The following EVC2 variants were observed in gnomAD, a reference collection of about 807,000 sequenced individuals.
The protein encoded by EVC2 is EvC ciliary complex subunit 2.
EVC2 carries 148 observed loss-of-function variants against 149.3 expected under a neutral mutation model. The ratio of observed to expected loss-of-function variants is 0.99; its 90% CI spans 0.87 to 1.14. The LOEUF (loss-of-function observed/expected upper bound fraction) is 1.14, where lower values mean the gene tolerates loss of function less well. Ranked by LOEUF, EVC2 falls within the 50% of genes most tolerant of loss-of-function variation. The probability of loss-of-function intolerance (pLI) is 0.00; values close to 1 mark genes in which losing one functional copy is unlikely to be tolerated. For missense variants in EVC2, 1,854 were observed against 1,627.3 expected (o/e 1.14, Z -2.40); for synonymous variants, 776 against 649.9 (o/e 1.19, Z -2.95).
intron 3 of EVC2, among the ~76,000 whole-genome samples, chr4:5,692,642 T>C (rs1042236931): frequency 7.0e-6 from 1 of 143,584 alleles, no homozygotes; most frequent in East Asian, 2.0e-4. Context: ...CCGAGGCGGG[T>C]GGATCATGAG....
Position 5,567,546 on chromosome 4 carries a change from C to T in EVC2, c.3557+898G>A, listed in dbSNP as rs966797671. Among the ~76,000 whole-genome samples, 8 of 152,222 alleles carry T rather than the reference C, an allele frequency of 5.3e-5. No individual in the cohort carries two copies. The highest frequency in any genetic ancestry group is 1.9e-4 in the African/African-American group (8 of 41,538). On this transcript the variant is annotated intron_variant, in intron 20 of 21. Transcript: ENST00000344408. This position sits in a 1 kb window ranked among gnomAD's most constrained non-coding sequence, Gnocchi z 4.4. ...TTCATCCTGGCCATGGCTTTCCTTG[C>T]AGCCTCATTCCCCACCTACTCCATC...
intron 1 of EVC2, among the ~76,000 whole-genome samples, chr4:5,703,901 A>G (rs896321258): frequency 6.6e-6 from 1 of 152,156 alleles, no homozygotes; most frequent in Non-Finnish European, 1.5e-5. Flanking sequence ...AGGCTTTAAC[A>G]GGGTGACAGA....
chr4:5,632,621 G>A (rs1248844167), intron 10 of EVC2, among the ~76,000 whole-genome samples: 1 of 152,180 alleles, frequency 6.6e-6, no homozygotes, highest in Non-Finnish European at 1.5e-5. Flanking sequence ...CTTCACTGAA[G>A]AGAAAAATAC....
chr4:5,663,176 G>C lies in EVC2; in HGVS notation c.1076C>G (p.Ser359Cys). 1 of 1,614,178 alleles carries C rather than the reference G, an allele frequency of 6.2e-7. No individual in the cohort carries two copies. The highest frequency in any genetic ancestry group is 8.5e-7 in the Non-Finnish European group (1 of 1,180,040). The part of the protein sequence containing the change: ...TSADGVNEDL[S>C]LNDQMIDILS... ...AATGTCTATCATTTGGTCGTTAAGG[G>C]AAAGGTCCTCATTCACGCCATCAGC... Residue 359 changes from serine to cysteine, a missense_variant, in exon 9 of 22, where the codon TCC becomes TGC. Ser to Cys is a moderately radical substitution (Grantham distance 112). Transcript: ENST00000344408.
chr4:5,604,559 G>A (rs1156745319), intron 16 of EVC2, among the ~76,000 whole-genome samples: 1 of 152,118 alleles, frequency 6.6e-6, no homozygotes, highest in Non-Finnish European at 1.5e-5. Flanking sequence ...AGGTTGTGGG[G>A]GAGACAAAAG....
At chr4:5,606,640 A>G (rs575377832) in intron 16 of EVC2, among the ~76,000 whole-genome samples, 4 of 152,186 alleles carry the variant, frequency 2.6e-5, no homozygotes, top group Non-Finnish European at 5.9e-5. Flanking sequence ...GCATGCAAAA[A>G]AGCAGGAATA....
intron 21 of EVC2, among the ~76,000 whole-genome samples, chr4:5,547,895 A>G (rs1721651685): frequency 6.6e-6 from 1 of 152,150 alleles, no homozygotes; most frequent in Admixed American, 6.5e-5. Context: ...CAAGGCTGTG[A>G]CTTCCTCTTT....
intron 5 of EVC2, among the ~76,000 whole-genome samples, chr4:5,687,865 T>G (rs967709490): frequency 6.6e-6 from 1 of 152,086 alleles, no homozygotes; most frequent in African/African-American, 2.4e-5. Context: ...TGGGTGACAT[T>G]GTCTCCTTGA....
chr4:5,599,585 G>T (rs185268024), intron 16 of EVC2, among the ~76,000 whole-genome samples: 128 of 152,250 alleles, frequency 8.4e-4, no homozygotes, highest in African/African-American at 2.8e-3. Flanking sequence ...GTGGGCAGAG[G>T]GGGGAGGGAT....
At chr4:5,635,553 A>G (rs753271524) in intron 10 of EVC2, among the ~76,000 whole-genome samples, 2 of 152,236 alleles carry the variant, frequency 1.3e-5, no homozygotes, top group African/African-American at 2.4e-5. Context: ...GGCCTGCATC[A>G]GGCTGGCTGC....
chr4:5,678,384 G>A (rs1248328705), intron 7 of EVC2, among the ~76,000 whole-genome samples: 2 of 152,196 alleles, frequency 1.3e-5, no homozygotes, highest in Non-Finnish European at 2.9e-5. Flanking sequence ...CTCTGTGACT[G>A]CTGGGAGAGG....
intron 9 of EVC2, among the ~76,000 whole-genome samples, chr4:5,654,146 G>A (rs1047116321): frequency 3.3e-5 from 5 of 152,164 alleles, no homozygotes; most frequent in African/African-American, 1.2e-4. Context: ...CCTAGGAGGC[G>A]GAGGTTGCAG....
At chr4:5,617,971 GC>G (rs554301292) in intron 15 of EVC2, among the ~76,000 whole-genome samples, 570 of 152,284 alleles carry the variant, frequency 3.7e-3, no homozygotes, top group Non-Finnish European at 6.0e-3. Context: ...AGAGTTGTCT[GC>G]CCTCGGGCAC....
Position 5,692,667 on chromosome 4 carries a change from A to T in EVC2, c.451-1334T>A, listed in dbSNP as rs1399278999. On this transcript the variant is annotated intron_variant, in intron 3 of 21. Transcript: ENST00000344408. Reference sequence around the variant, plus strand: ...TGGATCATGAGGTCAGGAGATCGAGACCATCCTGGCTAACAAGGTGAAACC... The same window carrying T: ...TGGATCATGAGGTCAGGAGATCGAGTCCATCCTGGCTAACAAGGTGAAACC... 2.0e-5 allele frequency among the ~76,000 whole-genome samples: 3 copies of T among 151,256 alleles called. No individual in the cohort carries two copies. The East Asian group carries it at 5.9e-4, about 30-fold the overall frequency.
At chr4:5,700,931 C>T (rs113885202) in intron 1 of EVC2, among the ~76,000 whole-genome samples, 75 of 152,360 alleles carry the variant, frequency 4.9e-4, no homozygotes, top group African/African-American at 1.8e-3. Flanking sequence ...CTGCTGTACA[C>T]ATCACTGCAA....
chr4:5,676,392 T>C (rs1338806783), intron 7 of EVC2, among the ~76,000 whole-genome samples: 1 of 152,192 alleles, frequency 6.6e-6, no homozygotes, highest in East Asian at 1.9e-4. Context: ...CTCACATCTT[T>C]ACCTTGTATT....
rs887738952 is a variant in EVC2 at position 5,694,586 on chromosome 4, T to C, written c.284-85A>G. ...TAACCTCTAGAGACAGACTACAGGG[T>C]ACATGGAAGGTACTTAGAAGACGTT... is the stretch of plus-strand genomic sequence containing the variant. On this transcript the variant is annotated intron_variant, in intron 2 of 21. Coordinates refer to ENST00000344408, the MANE Select transcript of EVC2 (RefSeq NM_147127.5). The C allele has an allele frequency of 2.7e-6, 4 of 1,500,814 alleles. No individual in the cohort carries two copies. In the African/African-American group the frequency reaches 5.5e-5, roughly 21 times the overall value. 93.0% of individuals were successfully genotyped at this position (1,500,814 alleles called of 1,614,324 possible). A position where few individuals can be genotyped will look rare whatever the true frequency, so the allele number is the denominator to read the frequency against.
chr4:5,572,949 G>A (rs1241627377), intron 19 of EVC2, among the ~76,000 whole-genome samples: 2 of 152,138 alleles, frequency 1.3e-5, no homozygotes, highest in Non-Finnish European at 2.9e-5. Flanking sequence ...AGCCCCCCAC[G>A]AGCAGTGGCG....
At position 5,706,417 on chromosome 4, in the gene EVC2, G is replaced by GATAGATAC. The variant is rs1577281639; in HGVS notation, c.228+1868_228+1869insGTATCTAT. On this transcript the variant is annotated intron_variant, in intron 1 of 21. Transcript: ENST00000344408. ...ACATAGATAGATAGATAGATACATAGATAGATAGATACATAGATAGATAGA... is the reference window on the plus strand; with the variant it reads ...ACATAGATAGATAGATAGATACATAGATAGATACATAGATAGATACATAGATAGATAGA... 1.9e-3 allele frequency among the ~76,000 whole-genome samples: 115 copies of GATAGATAC among 61,516 alleles called. 3 individuals are homozygous for GATAGATAC. Among genetic ancestry groups the GATAGATAC allele is most frequent in the South Asian group, 3.8e-3 (7 of 1,834 alleles). The allele number at this position is 61,516 out of a possible 152,430, so 40.4% of individuals were successfully genotyped here. A position where few individuals can be genotyped will look rare whatever the true frequency, so the allele number is the denominator to read the frequency against.
Sources: allele counts gnomAD v4.1 joint callset (sites outside exome capture counted in the v4.1 genomes callset), GRCh38; gene constraint gnomAD v4.1.1; non-coding constraint Gnocchi (gnomAD v3.1); transcripts MANE v1.5; gene names NCBI Gene and HGNC (gene_info 2026-07-23, HGNC 2026-07-21).